The following SLC6A11 variants were observed in gnomAD, a reference collection of about 807,000 sequenced individuals.
SLC6A11 encodes the protein sodium- and chloride-dependent GABA transporter 3.
In SLC6A11, 25 loss-of-function variants were observed where a neutral mutation model predicts 74.8. The observed-to-expected ratio is 0.33, with a 90% CI of 0.24 to 0.47. The LOEUF (loss-of-function observed/expected upper bound fraction) is 0.47. Among genes scored for constraint, SLC6A11 ranks in the 20% least tolerant of loss-of-function variants. SLC6A11 has a pLI of 1.00. For synonymous variants in SLC6A11, 330 were observed against 330.2 expected (o/e 1.00, Z 0.01); for missense variants, 574 against 837.0 (o/e 0.69, Z 3.88).
intron 9 of SLC6A11, among the ~76,000 whole-genome samples, chr3:10,928,106 C>T (rs1344542123): frequency 6.6e-6 from 1 of 152,210 alleles, no homozygotes; most frequent in African/African-American, 2.4e-5. Context: ...CATGTAGAGA[C>T]TACATAAGTT....
At position 10,823,333 on chromosome 3, in the gene SLC6A11, G is replaced by T; in HGVS notation, c.564G>T (p.Val188=). The change falls in exon 4 of 14, where the codon GTG becomes GTT. Residue 188 remains valine (V), a synonymous_variant. Coordinates refer to ENST00000254488, the MANE Select transcript of SLC6A11 (RefSeq NM_014229.3). Reference sequence around the variant, plus strand: ...GTGTGGAGTTCCAGAAACTGAATGTGAGCAACTACAGCCATGTGTCTCTGC... The same window carrying T: ...GTGTGGAGTTCCAGAAACTGAATGTTAGCAACTACAGCCATGTGTCTCTGC... ...ENCVEFQKLN[V]SNYSHVSLQN... 6.2e-7 allele frequency: 1 copy of T among 1,613,736 alleles called. No individual in the cohort carries two copies. The highest frequency in any genetic ancestry group is 1.1e-5 in the South Asian group (1 of 91,066).
At chr3:10,922,929 G>C (rs981753629) in intron 8 of SLC6A11, among the ~76,000 whole-genome samples, 1 of 152,102 alleles carries the variant, frequency 6.6e-6, no homozygotes, top group East Asian at 1.9e-4. Flanking sequence ...CACAACTGTT[G>C]TAAGTGTGTA....
intron 5 of SLC6A11, among the ~76,000 whole-genome samples, chr3:10,860,004 A>G (rs4541387): frequency 0.011 from 1,667 of 152,326 alleles, 35 homozygotes; most frequent in African/African-American, 0.038. Context: ...AGTTTGTGGT[A>G]ACAGAATGTA....
At chr3:10,829,574 C>T (rs532458401) in intron 4 of SLC6A11, among the ~76,000 whole-genome samples, 6 of 152,082 alleles carry the variant, frequency 3.9e-5, no homozygotes, top group African/African-American at 1.2e-4. Flanking sequence ...TAGATGTTAG[C>T]GGCAAGTTCT....
intron 8 of SLC6A11, among the ~76,000 whole-genome samples, chr3:10,923,880 CACCAGAAAGGATATA>C (rs1695567708): frequency 6.6e-6 from 1 of 151,984 alleles, no homozygotes; most frequent in South Asian, 2.1e-4. Flanking sequence ...CGATATAATA[CACCAGAAAGGATATA>C]ACATCACTGC....
In SLC6A11 at chr3:10,937,682, G is replaced by A. The variant is rs553075371; in HGVS notation, c.1747-568G>A. ...TCCATCAGAGCCAGCCAGCTGGTGC[G>A]GGCTGCTTTGCAAGGCAGGCTGAGG... On this transcript the variant is annotated intron_variant, in intron 13 of 13. Transcript: ENST00000254488. 1.4e-4 allele frequency among the ~76,000 whole-genome samples: 22 copies of A among 152,320 alleles called. 1 individual carries two copies. The highest frequency in any genetic ancestry group is 9.7e-4 in the East Asian group (5 of 5,178).
At chr3:10,884,242 G>T (rs41469944) in intron 6 of SLC6A11, among the ~76,000 whole-genome samples, 2 of 152,124 alleles carry the variant, frequency 1.3e-5, no homozygotes, top group African/African-American at 4.8e-5. Context: ...AGGTTGAAAC[G>T]CTGCTTGGGT....
At chr3:10,889,046 C>G (rs1695077718) in intron 6 of SLC6A11, among the ~76,000 whole-genome samples, 1 of 152,104 alleles carries the variant, frequency 6.6e-6, no homozygotes, top group Non-Finnish European at 1.5e-5. Context: ...TTTAACCCCC[C>G]TCTCCAAAAT....
intron 6 of SLC6A11, among the ~76,000 whole-genome samples, chr3:10,887,826 T>A (rs920649616): frequency 3.3e-5 from 5 of 152,194 alleles, no homozygotes; most frequent in African/African-American, 1.2e-4. Flanking sequence ...AGGTGGAAAG[T>A]CTGCAGATAT....
intron 7 of SLC6A11, among the ~76,000 whole-genome samples, chr3:10,917,034 G>A (rs1241403984): frequency 6.6e-6 from 1 of 152,168 alleles, no homozygotes; most frequent in Non-Finnish European, 1.5e-5. Flanking sequence ...GTGTGTTGTT[G>A]AGAATAGTTC....
At chr3:10,876,090 C>A (rs948842282) in intron 6 of SLC6A11, among the ~76,000 whole-genome samples, 8 of 152,208 alleles carry the variant, frequency 5.3e-5, no homozygotes, top group African/African-American at 1.9e-4. Flanking sequence ...AGTTTCAAGT[C>A]TGCGATCTGT....
intron 5 of SLC6A11, among the ~76,000 whole-genome samples, chr3:10,855,003 AGATG>A (rs1047444475): frequency 1.3e-5 from 2 of 152,012 alleles, no homozygotes; most frequent in Admixed American, 6.6e-5. Flanking sequence ...GTGGGTGAGT[AGATG>A]GATGGGTGGA....
At chr3:10,867,603 G>A (rs2106598916) in intron 5 of SLC6A11, among the ~76,000 whole-genome samples, 1 of 152,316 alleles carries the variant, frequency 6.6e-6, no homozygotes, top group Middle Eastern at 3.4e-3. Flanking sequence ...CTGACTGAGA[G>A]AGCAAGGAAG....
At chr3:10,821,773 A>T (rs1435057367) in intron 3 of SLC6A11, among the ~76,000 whole-genome samples, 2 of 152,138 alleles carry the variant, frequency 1.3e-5, no homozygotes, top group African/African-American at 4.8e-5. Flanking sequence ...ATATTTTAAT[A>T]AAAATAACTG....
At chr3:10,936,208 A>AG (rs1159969911) in intron 13 of SLC6A11, among the ~76,000 whole-genome samples, 3 of 152,268 alleles carry the variant, frequency 2.0e-5, no homozygotes, top group East Asian at 3.9e-4. Flanking sequence ...TAGCAATCCT[A>AG]GGGGGGTGGA....
chr3:10,937,495 A>G (rs1475016183), intron 13 of SLC6A11, among the ~76,000 whole-genome samples: 4 of 152,200 alleles, frequency 2.6e-5, no homozygotes, highest in Non-Finnish European at 4.4e-5. Flanking sequence ...AGACTTTGCA[A>G]CCTTCCTCGG....
intron 6 of SLC6A11, among the ~76,000 whole-genome samples, chr3:10,890,723 C>T (rs1695097697): frequency 6.6e-6 from 1 of 152,226 alleles, no homozygotes; most frequent in Non-Finnish European, 1.5e-5. Flanking sequence ...CCATTGTTTT[C>T]ATTCCTTTCT....
At chr3:10,899,496 T>C (rs978568077) in intron 6 of SLC6A11, among the ~76,000 whole-genome samples, 1 of 152,230 alleles carries the variant, frequency 6.6e-6, no homozygotes, top group Non-Finnish European at 1.5e-5. Flanking sequence ...CCCAAAGATA[T>C]AGTGATGAAT....
At chr3:10,827,816 C>T (rs1009381807) in intron 4 of SLC6A11, among the ~76,000 whole-genome samples, 1 of 152,180 alleles carries the variant, frequency 6.6e-6, no homozygotes, top group Non-Finnish European at 1.5e-5. Flanking sequence ...CATGGCTTTG[C>T]CTTGACCATG....
Sources: gnomAD v4.1 joint callset for allele counts (sites outside exome capture counted in the v4.1 genomes callset) on GRCh38, gnomAD v4.1.1 for gene constraint, MANE v1.5 for transcripts, NCBI Gene and HGNC (gene_info 2026-07-23, HGNC 2026-07-21) for gene names.